Variants in ERICH3 observed in about 807,000 individuals in gnomAD.
ERICH3 encodes glutamate rich 3.
Under a neutral mutation model 131.1 loss-of-function variants are expected in ERICH3, and 126 were observed. The ratio of observed to expected loss-of-function variants is 0.96; its 90% confidence interval spans 0.83 to 1.11. ERICH3 has a LOEUF of 1.11. Among genes scored for constraint, ERICH3 ranks in the 50% most tolerant of loss-of-function variants. The probability of loss-of-function intolerance (pLI) is 0.00; values close to 1 mark genes in which losing one functional copy is unlikely to be tolerated. For synonymous variants in ERICH3, 695 were observed against 644.6 expected, an observed-to-expected ratio of 1.08 and a Z score of -1.18; for missense variants, 2,050 against 1,810.7, an observed-to-expected ratio of 1.13 and a Z score of -2.40.
intron 10 of ERICH3, among the ~76,000 whole-genome samples, chr1:74,602,834 C>A (rs1365254006): frequency 6.6e-6 from 1 of 151,850 alleles, no homozygotes; most frequent in Non-Finnish European, 1.5e-5. Flanking sequence ...CATGAAAACA[C>A]ATCCTATTTG....
chr1:74,598,668 C>T (rs747272159), intron 11 of ERICH3, among the ~76,000 whole-genome samples: 11 of 151,830 alleles, frequency 7.2e-5, no homozygotes, highest in Non-Finnish European at 1.5e-4. Context: ...GAAAGATGCT[C>T]AACCCACCAG....
chr1:74,608,239 T>C (rs983435290), intron 9 of ERICH3, among the ~76,000 whole-genome samples: 2 of 152,012 alleles, frequency 1.3e-5, no homozygotes, highest in Non-Finnish European at 1.5e-5. Context: ...CAGACACTAA[T>C]ACAATCTGGA....
intron 12 of ERICH3, 156 bp downstream of exon 12, chr1:74,589,475 A>C: frequency 1.4e-6 from 1 of 718,650 alleles, no homozygotes; most frequent in Non-Finnish European, 2.4e-6. Context: ...CTGAAAATAC[A>C]TGTATGATTA....
Position 74,673,410 on chromosome 1 carries a change from T to G in ERICH3, c.23+87A>C. Reference sequence around the variant, plus strand: ...CTCCCCCTCGCTCCCCTCTCGCCCCTTCCCTCCGCAGCAGGAGGGAGGAGG... The same window carrying G: ...CTCCCCCTCGCTCCCCTCTCGCCCCGTCCCTCCGCAGCAGGAGGGAGGAGG... On this transcript the variant is annotated intron_variant, in intron 1 of 14. Transcript: ENST00000326665. The G allele has an allele frequency of 2.0e-6, 3 of 1,518,316 alleles. No homozygotes were observed. In the South Asian group the frequency reaches 3.5e-5, roughly 18 times the overall value. 94.1% of individuals were successfully genotyped at this position (1,518,316 alleles called of 1,614,324 possible).
At chr1:74,642,018 A>G (rs920608456) in intron 4 of ERICH3, among the ~76,000 whole-genome samples, 1 of 152,066 alleles carries the variant, frequency 6.6e-6, no homozygotes, top group Non-Finnish European at 1.5e-5. Context: ...TTCCTGCTTC[A>G]TGCAGTGTGA....
intron 3 of ERICH3, among the ~76,000 whole-genome samples, chr1:74,643,780 G>C (rs1646456392): frequency 6.6e-6 from 1 of 152,042 alleles, no homozygotes; most frequent in Non-Finnish European, 1.5e-5. Flanking sequence ...CCCAGCCAGG[G>C]GAGGAGCTGT....
intron 3 of ERICH3, among the ~76,000 whole-genome samples, chr1:74,645,452 T>A (rs925672866): frequency 6.6e-6 from 1 of 151,646 alleles, no homozygotes; most frequent in African/African-American, 2.4e-5. Context: ...ATATATTACA[T>A]ATTAACATTT....
chr1:74,632,761 T>C (rs1191476357), intron 6 of ERICH3, among the ~76,000 whole-genome samples: 2 of 151,958 alleles, frequency 1.3e-5, no homozygotes, highest in African/African-American at 4.8e-5. Context: ...TTCTTTTAAA[T>C]AATTTACGTG....
intron 12 of ERICH3, chr1:74,579,751 T>C: frequency 9.1e-6 from 9 of 985,424 alleles, no homozygotes; most frequent in Non-Finnish European, 9.6e-6. Context: ...CAATGTGACA[T>C]ATCACTTTGT....
At chr1:74,609,420 C>T (rs1648580421) in intron 9 of ERICH3, among the ~76,000 whole-genome samples, 1 of 151,842 alleles carries the variant, frequency 6.6e-6, no homozygotes, top group African/African-American at 2.4e-5. Flanking sequence ...AATTAGTGTA[C>T]ATTGTTTAAC....
chr1:74,620,754 T>C lies in ERICH3; in HGVS notation c.980A>G (p.Lys327Arg), dbSNP rs537513647. ...HCGGENLCVY[K>R]GKLLEKETFQ... is the part of the protein sequence containing the mutation. ...TGTACCTTTTTCAAGTAGTTTGCCT[T>C]TGTAGACACAAAGGTTTTCCCCACC... Residue 327 changes from lysine to arginine, a missense_variant, in exon 8 of 15, where the codon AAA (lysine) becomes AGA (arginine). Coordinates refer to ENST00000326665, the MANE Select transcript of ERICH3 (RefSeq NM_001002912.5). 1.9e-6 allele frequency: 3 copies of C among 1,608,112 alleles called. No homozygotes were observed. The highest frequency in any genetic ancestry group is 1.7e-5 in the Admixed American group (1 of 58,654).
At chr1:74,611,044 A>G (rs1368629456) in intron 9 of ERICH3, among the ~76,000 whole-genome samples, 2 of 152,012 alleles carry the variant, frequency 1.3e-5, no homozygotes, top group Non-Finnish European at 2.9e-5. Context: ...CATCTTCTCT[A>G]TGTTCAATTC....
At position 74,573,030 on chromosome 1, in the gene ERICH3, C is replaced by T. The variant is rs149957800; in HGVS notation, c.2680G>A (p.Glu894Lys). The T allele has an allele frequency of 2.8e-4, 449 of 1,614,168 alleles. 6 individuals carry two copies. In the South Asian group the frequency reaches 4.0e-3, roughly 14 times the overall value. Residue 894 changes from glutamate (E) to lysine (K), a missense_variant, in exon 14 of 15, where the codon GAA (glutamate) becomes AAA (lysine). Transcript: ENST00000326665. ...GCCTTCTCTAAACCCTGTTCCCCTT[C>T]AGAAGCTGCTTTGTCTGTCTCAAGC... is the stretch of plus-strand genomic sequence containing the variant. The part of the protein sequence containing the change: ...TVLETDKAAS[E>K]GEQGLEKAVL...
At chr1:74,653,043 G>A (rs377164333) in intron 1 of ERICH3, among the ~76,000 whole-genome samples, 3 of 152,060 alleles carry the variant, frequency 2.0e-5, no homozygotes, top group Non-Finnish European at 2.9e-5. Flanking sequence ...TCACCGGGGT[G>A]CTACCTTCCC....
rs577578030 is a variant in ERICH3, at chr1:74,588,228, C to T, written c.2176+1403G>A. Among the ~76,000 whole-genome samples, 60 of 152,296 alleles carry T rather than the reference C, an allele frequency of 3.9e-4. 1 individual carries two copies. In the South Asian group the frequency reaches 0.011, roughly 28 times the overall value. ...TTTAAAGTTTCTCAAATACGTTCTT[C>T]GTGAAAACTTTCAAGGTGTCTTTTA... On this transcript the variant is annotated intron_variant, in intron 12 of 14. Transcript: ENST00000326665.
intron 8 of ERICH3, among the ~76,000 whole-genome samples, chr1:74,614,766 T>TGTATAA: frequency 6.6e-6 from 1 of 152,042 alleles, no homozygotes; most frequent in South Asian, 2.1e-4. Flanking sequence ...TACCTTAGTA[T>TGTATAA]TTCTGATGTA....
chr1:74,618,710 T>C (rs1570878524), intron 8 of ERICH3, among the ~76,000 whole-genome samples: 1 of 152,262 alleles, frequency 6.6e-6, no homozygotes, highest in East Asian at 1.9e-4. Context: ...TAAAATCAAA[T>C]TGCAAGACAT....
chr1:74,658,826 T>C (rs1646611776), intron 1 of ERICH3, among the ~76,000 whole-genome samples: 1 of 152,178 alleles, frequency 6.6e-6, no homozygotes, highest in African/African-American at 2.4e-5. Context: ...TCCAACAAGT[T>C]GTTTACTCAC....
chr1:74,638,374 C>T (rs930053274), intron 5 of ERICH3, among the ~76,000 whole-genome samples: 1 of 152,136 alleles, frequency 6.6e-6, no homozygotes, highest in Admixed American at 6.5e-5. Flanking sequence ...AATAAAATAC[C>T]TGAGACCAGA....
Sources: allele counts gnomAD v4.1 joint callset (sites outside exome capture counted in the v4.1 genomes callset), GRCh38; gene constraint gnomAD v4.1.1; transcripts MANE v1.5; gene names NCBI Gene and HGNC (gene_info 2026-07-23, HGNC 2026-07-21).